The following DSCAM variants were observed in gnomAD, a reference collection of about 807,000 sequenced individuals.
DSCAM encodes the protein DS cell adhesion molecule.
Under a neutral mutation model 217.7 loss-of-function variants are expected in DSCAM, and 47 were observed. That is an observed-to-expected ratio of 0.22 (90% CI 0.17 to 0.28). The LOEUF (loss-of-function observed/expected upper bound fraction) is 0.28. Among genes scored for constraint, DSCAM ranks in the 10% least tolerant of loss-of-function variants. The probability of loss-of-function intolerance (pLI) is 1.00; values close to 1 mark genes in which losing one functional copy is unlikely to be tolerated. For missense variants in DSCAM, 2,080 were observed against 2,618.3 expected, an observed-to-expected ratio of 0.79 and a Z score of 4.49; for synonymous variants, 1,056 against 1,015.3, an observed-to-expected ratio of 1.04 and a Z score of -0.76.
At chr21:40,429,702 G>C (rs1309539940) in intron 3 of DSCAM, among the ~76,000 whole-genome samples, 1 of 152,236 alleles carries the variant, frequency 6.6e-6, no homozygotes, top group African/African-American at 2.4e-5. Flanking sequence ...AGAATTAAAT[G>C]AGTTAATACA....
chr21:40,123,040 G>T (rs1380142446), intron 20 of DSCAM, among the ~76,000 whole-genome samples: 2 of 152,210 alleles, frequency 1.3e-5, no homozygotes, highest in Non-Finnish European at 2.9e-5. Context: ...AAACGAGCTG[G>T]TCACTAAATG....
intron 10 of DSCAM, among the ~76,000 whole-genome samples, chr21:40,289,377 G>T (rs1325788718): frequency 6.6e-6 from 1 of 152,166 alleles, no homozygotes; most frequent in Non-Finnish European, 1.5e-5. Flanking sequence ...GCCTGATGTG[G>T]CTTAGAATTT....
At chr21:40,309,721 G>T (rs73371730) in intron 9 of DSCAM, among the ~76,000 whole-genome samples, 1 of 152,138 alleles carries the variant, frequency 6.6e-6, no homozygotes, top group East Asian at 1.9e-4. Flanking sequence ...CTCCATAAGC[G>T]TGTTTTATTT....
intron 8 of DSCAM, among the ~76,000 whole-genome samples, chr21:40,330,613 C>A (rs983467845): frequency 1.3e-5 from 2 of 151,932 alleles, no homozygotes; most frequent in African/African-American, 4.8e-5. Flanking sequence ...TGAAGGAACC[C>A]ATAGAAGCTG....
intron 2 of DSCAM, among the ~76,000 whole-genome samples, chr21:40,696,217 C>T (rs774889572): frequency 6.6e-6 from 1 of 151,948 alleles, no homozygotes; most frequent in Non-Finnish European, 1.5e-5. Context: ...GCAGGGACAG[C>T]ACTGTGGTGC....
intron 11 of DSCAM, among the ~76,000 whole-genome samples, chr21:40,230,863 C>T (rs1326543918): frequency 6.6e-6 from 1 of 151,910 alleles, no homozygotes; most frequent in African/African-American, 2.4e-5. Flanking sequence ...GTTTTTTGGG[C>T]CTGTGTTTCA....
chr21:40,467,930 C>CAAAAAAAAAAAAAAAAAAA (rs56379350), intron 3 of DSCAM, among the ~76,000 whole-genome samples: 1 of 84,424 alleles, frequency 1.2e-5, no homozygotes, highest in African/African-American at 4.6e-5. Flanking sequence ...AAAGATTAAC[C>CAAAAAAAAAAAAAAAAAAA]AAAAAAAAAA....
chr21:40,472,959 G>C (rs1193016299), intron 3 of DSCAM, among the ~76,000 whole-genome samples: 1 of 152,134 alleles, frequency 6.6e-6, no homozygotes, highest in Admixed American at 6.5e-5. Flanking sequence ...TGTTGCTAAG[G>C]TCATATGGGT....
At chr21:40,836,168 A>G (rs573841529) in intron 1 of DSCAM, among the ~76,000 whole-genome samples, 17 of 152,040 alleles carry the variant, frequency 1.1e-4, no homozygotes, top group Admixed American at 8.5e-4. Context: ...GAGTTACCCA[A>G]ATGGTTTCCC....
chr21:40,796,399 G>A (rs736976), intron 1 of DSCAM, among the ~76,000 whole-genome samples: 16,158 of 152,252 alleles, frequency 0.11, 1,039 homozygotes, highest in East Asian at 0.21. Flanking sequence ...AGTCCAACAC[G>A]TAATGTGAGC....
At chr21:40,286,005 G>A (rs1321790777) in intron 10 of DSCAM, among the ~76,000 whole-genome samples, 1 of 152,094 alleles carries the variant, frequency 6.6e-6, no homozygotes. Flanking sequence ...GTGGAGTCTT[G>A]GGGTGCTCTA....
At chr21:40,676,568 T>C (rs533991230) in intron 3 of DSCAM, among the ~76,000 whole-genome samples, 12 of 152,358 alleles carry the variant, frequency 7.9e-5, no homozygotes, top group African/African-American at 2.9e-4. Flanking sequence ...TTGTTTTGTT[T>C]TTTAATTTTT....
intron 1 of DSCAM, among the ~76,000 whole-genome samples, chr21:40,802,368 G>A (rs1490287836): frequency 6.6e-6 from 1 of 152,218 alleles, no homozygotes; most frequent in African/African-American, 2.4e-5. Flanking sequence ...CAGACTCACA[G>A]ATGAGACTGT....
intron 3 of DSCAM, among the ~76,000 whole-genome samples, chr21:40,498,507 T>C (rs1395138908): frequency 2.0e-5 from 3 of 151,326 alleles, no homozygotes; most frequent in Non-Finnish European, 4.4e-5. Context: ...ACCAGCAAGA[T>C]TATAAAAACA....
At chr21:40,525,009 C>CAAAAAAAAAAAAAAAAAAAAAA (rs58427418) in intron 3 of DSCAM, among the ~76,000 whole-genome samples, 14 of 56,098 alleles carry the variant, frequency 2.5e-4, no homozygotes, top group Non-Finnish European at 3.5e-4. Flanking sequence ...GACTCAGTCT[C>CAAAAAAAAAAAAAAAAAAAAAA]AAAAAAAAAA....
chr21:40,245,556 G>A (rs1426164521), intron 11 of DSCAM, among the ~76,000 whole-genome samples: 1 of 152,178 alleles, frequency 6.6e-6, no homozygotes, highest in Non-Finnish European at 1.5e-5. Flanking sequence ...GCAAGTCAGG[G>A]GAATTTTGCA....
chr21:40,691,991 G>GAA (rs2090543319), intron 3 of DSCAM, among the ~76,000 whole-genome samples: 1 of 152,216 alleles, frequency 6.6e-6, no homozygotes, highest in Admixed American at 6.5e-5. Flanking sequence ...TGTGTGTTGT[G>GAA]CGTGTGTGCA....
chr21:40,239,113 T>A (rs1031364228), intron 11 of DSCAM, among the ~76,000 whole-genome samples: 5 of 152,138 alleles, frequency 3.3e-5, no homozygotes, highest in Non-Finnish European at 7.4e-5. Context: ...TCTCCCTATC[T>A]CTAGAAAGTC....
intron 3 of DSCAM, among the ~76,000 whole-genome samples, chr21:40,558,644 C>T (rs904402415): frequency 6.6e-6 from 1 of 152,126 alleles, no homozygotes; most frequent in Non-Finnish European, 1.5e-5. Flanking sequence ...TGATAGTTCT[C>T]TTCATAGCTT....
Sources: gnomAD v4.1 joint callset for allele counts (sites outside exome capture counted in the v4.1 genomes callset) on GRCh38, gnomAD v4.1.1 for gene constraint, MANE v1.5 for transcripts, NCBI Gene and HGNC (gene_info 2026-07-23, HGNC 2026-07-21) for gene names.